RPH3AL: variants seen among roughly 807,000 people sequenced by gnomAD.
RPH3AL encodes rab effector Noc2.
A neutral mutation model predicts 43.1 loss-of-function variants in RPH3AL; 38 were observed. The ratio of observed to expected loss-of-function variants is 0.88; its 90% CI spans 0.68 to 1.15. RPH3AL has a LOEUF of 1.15. RPH3AL is among the 50% of genes most tolerant of loss of function. The probability of loss-of-function intolerance (pLI) is 0.00; values close to 1 mark genes in which losing one functional copy is unlikely to be tolerated. For missense variants in RPH3AL, 462 were observed against 423.2 expected, an observed-to-expected ratio of 1.09 and a Z score of -0.81; for synonymous variants, 189 against 176.3, an observed-to-expected ratio of 1.07 and a Z score of -0.57.
rs539652729 is a variant in RPH3AL, at chr17:227,524, G to A, written c.614-7788C>T. Among the ~76,000 whole-genome samples the A allele has an allele frequency of 1.6e-4, 24 of 152,276 alleles. No individual in the cohort carries two copies. The South Asian group carries it at 3.1e-3, about 20-fold the overall frequency. ...CTCTGCTCAGCCACCACCTGTCTCT[G>A]TGGCCCCAGGCATCTCTCCAGGCTT... On this transcript the variant is annotated intron_variant, in intron 7 of 9. Coordinates refer to ENST00000331302, the MANE Select transcript of RPH3AL (RefSeq NM_006987.4).
chr17:338,066 T>C lies in RPH3AL; in HGVS notation c.-212-4132A>G, dbSNP rs111926414. ...TTTAACAGCCACAGCTCTGCCTACGTGTCCCCAGAGGCATAGCTTGCTTTT... is the reference window on the plus strand; with the variant it reads ...TTTAACAGCCACAGCTCTGCCTACGCGTCCCCAGAGGCATAGCTTGCTTTT... On this transcript the variant is annotated intron_variant, in intron 1 of 9. Transcript: ENST00000331302. Among the ~76,000 whole-genome samples the C allele has an allele frequency of 5.2e-3, 796 of 152,320 alleles. 11 individuals are homozygous for C. The highest frequency in any genetic ancestry group is 0.018 in the African/African-American group (734 of 41,572).
At chr17:272,965 GGTGAGACCCCAGC>G (rs2042521756) in intron 6 of RPH3AL, among the ~76,000 whole-genome samples, 12 of 53,312 alleles carry the variant, frequency 2.3e-4, no homozygotes, top group Admixed American at 1.6e-3. Flanking sequence ...GCTACGTCAG[GGTGAGACCCCAGC>G]AAGGGCTACG....
rs2040788568 is a variant in RPH3AL, at chr17:215,910, CCCCACCCACAT to C, written c.728-119_728-109del. The C allele has an allele frequency of 9.0e-7, 1 of 1,112,088 alleles. No homozygotes were observed. Among genetic ancestry groups the C allele is most frequent in the Non-Finnish European group, 1.2e-6 (1 of 841,832 alleles). The allele number at this position is 1,112,088 out of a possible 1,614,324, so 68.9% of individuals were successfully genotyped here. A position where few individuals can be genotyped will look rare whatever the true frequency, so the allele number is the denominator to read the frequency against. On this transcript the variant is annotated intron_variant, in intron 8 of 9. Coordinates refer to ENST00000331302, the MANE Select transcript of RPH3AL (RefSeq NM_006987.4). This position sits in a 1 kb window ranked among gnomAD's most constrained non-coding sequence, Gnocchi z 4.1. The stretch of plus-strand genomic sequence containing the variant: ...ATCTCTATGGGATGTCTGCCCCCCA[CCCCACCCACAT>C]GGCTGCCAGGCTCTGGCCTGACCTC...
intron 3 of RPH3AL, 74 bp from the exon 4 acceptor site, chr17:321,489 A>C: frequency 7.1e-5 from 99 of 1,388,002 alleles, no homozygotes; most frequent in Non-Finnish European, 8.7e-5. Flanking sequence ...CACATCCACC[A>C]AGCCCCCCCG....
chr17:247,099 G>C lies in RPH3AL; in HGVS notation c.613+12C>G, dbSNP rs2041783847. ...TACAGGCCATCCTGGGAGAGAGGCA[G>C]AGGGGACTTACCTCTTCCTCGGGCC... is the stretch of plus-strand genomic sequence containing the variant. On this transcript the variant is annotated intron_variant, in intron 7 of 9. Transcript: ENST00000331302. The C allele has an allele frequency of 3.7e-6, 6 of 1,614,106 alleles. No homozygotes were observed. Among genetic ancestry groups the C allele is most frequent in the Non-Finnish European group, 4.2e-6 (5 of 1,179,982 alleles).
intron 6 of RPH3AL, among the ~76,000 whole-genome samples, chr17:267,263 C>T (rs2042346248): frequency 1.3e-5 from 2 of 152,230 alleles, no homozygotes; most frequent in Admixed American, 1.3e-4. Flanking sequence ...AACTGGCACG[C>T]GGCATGAAAT....
At chr17:336,242 A>T (rs2044950359) in intron 1 of RPH3AL, among the ~76,000 whole-genome samples, 1 of 152,200 alleles carries the variant, frequency 6.6e-6, no homozygotes. Context: ...GCAGCAAGAT[A>T]AGGTGAGCCC....
At chr17:296,886 G>A (rs2043193959) in intron 5 of RPH3AL, among the ~76,000 whole-genome samples, 1 of 152,214 alleles carries the variant, frequency 6.6e-6, no homozygotes, top group Admixed American at 6.5e-5. Flanking sequence ...CTCCGCTCAG[G>A]AGGCCTCTTG....
At chr17:321,718 G>A (rs111505661) in intron 3 of RPH3AL, 5,009 of 358,352 alleles carry the variant, frequency 0.014, 67 homozygotes, top group South Asian at 0.019. Context: ...CAACAGAGAC[G>A]GCCCAGGTGC....
chr17:308,255 G>C (rs1328497349), intron 5 of RPH3AL, among the ~76,000 whole-genome samples: 1 of 152,214 alleles, frequency 6.6e-6, no homozygotes, highest in Non-Finnish European at 1.5e-5. Flanking sequence ...CTTTGGAAAG[G>C]GAGTAGGGGA....
rs747407794 is a variant in RPH3AL at position 245,690 on chromosome 17, C to T, written c.613+1421G>A. On this transcript the variant is annotated intron_variant, in intron 7 of 9. Coordinates refer to ENST00000331302, the MANE Select transcript of RPH3AL (RefSeq NM_006987.4). The surrounding 1 kb of genome is among the most constrained non-coding windows in gnomAD (Gnocchi z 5.9). ...GGCTCAGCAGGAGAAGGTCTGAGGTCCAAGGGTGGCAGAGGGACCAGGTGG... is the reference window on the plus strand; with the variant it reads ...GGCTCAGCAGGAGAAGGTCTGAGGTTCAAGGGTGGCAGAGGGACCAGGTGG... 5.3e-5 allele frequency among the ~76,000 whole-genome samples: 8 copies of T among 152,060 alleles called. No individual in the cohort carries two copies. Among genetic ancestry groups the T allele is most frequent in the Non-Finnish European group, 7.4e-5 (5 of 68,014 alleles).
chr17:272,762 T>TCACA (rs71143491), intron 6 of RPH3AL, among the ~76,000 whole-genome samples: 4,835 of 145,694 alleles, frequency 0.033, 139 homozygotes, highest in Middle Eastern at 0.08. Context: ...ATTATTTAAG[T>TCACA]CACACACACA....
chr17:282,810 C>T lies in RPH3AL; in HGVS notation c.352-956G>A, dbSNP rs962132194. 6.6e-5 allele frequency among the ~76,000 whole-genome samples: 10 copies of T among 152,308 alleles called. No homozygotes were observed. The South Asian group carries it at 1.9e-3, about 28-fold the overall frequency. ...AAACCTGAACGACATGTTACTGTAC[C>T]GAAGGCTGCAGGCAACTGTGACACA... On this transcript the variant is annotated intron_variant, in intron 5 of 9. Coordinates refer to ENST00000331302, the MANE Select transcript of RPH3AL (RefSeq NM_006987.4).
Position 215,081 on chromosome 17 carries a change from G to A in RPH3AL, c.876+573C>T, listed in dbSNP as rs140176553. ...GATCAGCTGCTGCCCTGGTGCATGC[G>A]TGTACCCATGAATCCTCTGGCCAGG... On this transcript the variant is annotated intron_variant, in intron 9 of 9. Transcript: ENST00000331302. This position sits in a 1 kb window ranked among gnomAD's most constrained non-coding sequence, Gnocchi z 4.1. 6.0e-3 allele frequency among the ~76,000 whole-genome samples: 919 copies of A among 152,286 alleles called. 5 individuals are homozygous for A. The highest frequency in any genetic ancestry group is 0.01 in the Non-Finnish European group (682 of 68,024).
At chr17:268,913 CCG>C (rs1555549077) in intron 6 of RPH3AL, among the ~76,000 whole-genome samples, 1 of 152,026 alleles carries the variant, frequency 6.6e-6, no homozygotes, top group Non-Finnish European at 1.5e-5. Context: ...GAGTCTCGCT[CCG>C]TCACCCAGGC....
At chr17:249,930 G>A (rs7225409) in intron 6 of RPH3AL, among the ~76,000 whole-genome samples, 22,600 of 124,860 alleles carry the variant, frequency 0.18, 2,016 homozygotes, top group Middle Eastern at 0.25. Context: ...ACTAAGCTCC[G>A]TCGCTGCGGG....
chr17:303,360 C>T (rs2043379344), intron 5 of RPH3AL, among the ~76,000 whole-genome samples: 1 of 151,872 alleles, frequency 6.6e-6, no homozygotes, highest in Non-Finnish European at 1.5e-5. Flanking sequence ...CGCTGCACTC[C>T]AGCCGGGGCA....
chr17:263,908 G>A (rs1007482467), intron 6 of RPH3AL, among the ~76,000 whole-genome samples: 7 of 152,134 alleles, frequency 4.6e-5, no homozygotes, highest in African/African-American at 7.2e-5. Context: ...TGGGCACCTC[G>A]ACGGGTTTTC....
intron 5 of RPH3AL, 21 bp downstream of exon 5, chr17:319,399 A>T: frequency 1.2e-6 from 2 of 1,608,358 alleles, no homozygotes; most frequent in Non-Finnish European, 1.7e-6. Flanking sequence ...CCAGAATGAC[A>T]GGGCCAGAGC....
Sources: gnomAD v4.1 joint callset for allele counts (sites outside exome capture counted in the v4.1 genomes callset) on GRCh38, gnomAD v4.1.1 for gene constraint, Gnocchi (gnomAD v3.1) non-coding constraint, MANE v1.5 for transcripts, NCBI Gene and HGNC (gene_info 2026-07-23, HGNC 2026-07-21) for gene names.